Variants in MACROD2 observed in about 807,000 individuals in gnomAD.
MACROD2 encodes mono-ADP ribosylhydrolase 2.
MACROD2 carries 36 observed loss-of-function variants against 70.4 expected under a neutral mutation model. The observed-to-expected ratio is 0.51, with a 90% confidence interval of 0.39 to 0.68. MACROD2 has a LOEUF of 0.68. Ranked by LOEUF, MACROD2 falls within the 30% of genes least tolerant of loss-of-function variation. The pLI is 0.00. For synonymous variants in MACROD2, 172 were observed against 178.8 expected (o/e 0.96, Z 0.30); for missense variants, 496 against 538.4 (o/e 0.92, Z 0.78).
chr20:14,172,303 C>CTTTTT (rs142877520), intron 3 of MACROD2, among the ~76,000 whole-genome samples: 10 of 112,204 alleles, frequency 8.9e-5, no homozygotes, highest in Admixed American at 2.3e-4. Flanking sequence ...CATTCCGTAC[C>CTTTTT]TTTTTTTTTT....
At chr20:15,204,378 C>T (rs1015083670) in intron 5 of MACROD2, among the ~76,000 whole-genome samples, 4 of 152,176 alleles carry the variant, frequency 2.6e-5, no homozygotes, top group Non-Finnish European at 4.4e-5. Context: ...TGCCTGTCGA[C>T]GCTTGTGAAT....
chr20:15,739,343 C>G (rs1338874892), intron 8 of MACROD2, among the ~76,000 whole-genome samples: 1 of 152,130 alleles, frequency 6.6e-6, no homozygotes, highest in African/African-American at 2.4e-5. Context: ...GATAGGGGTT[C>G]AAATCTGGAT....
At chr20:15,021,248 ATGTATACACACACCTGTGTGTG>A (rs1311154534) in intron 5 of MACROD2, among the ~76,000 whole-genome samples, 13 of 53,342 alleles carry the variant, frequency 2.4e-4, no homozygotes, top group African/African-American at 1.2e-3. Context: ...ACCTGTGTGT[ATGTATACACACACCTGTGTGTG>A]TGTATACGCA....
chr20:15,730,034 G>A (rs989004216), intron 8 of MACROD2, among the ~76,000 whole-genome samples: 2 of 151,794 alleles, frequency 1.3e-5, no homozygotes, highest in African/African-American at 2.4e-5. Context: ...CACCATGTTG[G>A]CCAGGCTGGT....
rs1040482930 is a variant in MACROD2 at position 15,568,936 on chromosome 20, G to C, written c.645+69089G>C. Among the ~76,000 whole-genome samples the C allele has an allele frequency of 3.3e-5, 5 of 152,194 alleles. No individual in the cohort carries two copies. The South Asian group carries it at 1.0e-3, about 32-fold the overall frequency. ...ATTTTAGAATCCAAAAGATTAAGGG[G>C]CCTCCTCATCCACAGCTGCTGTTCC... On this transcript the variant is annotated intron_variant, in intron 8 of 17. Transcript: ENST00000684519.
At chr20:15,221,407 A>C (rs1601249757) in intron 5 of MACROD2, among the ~76,000 whole-genome samples, 1 of 152,180 alleles carries the variant, frequency 6.6e-6, no homozygotes, top group East Asian at 1.9e-4. Flanking sequence ...TTCTGCAGAT[A>C]ATTCAGCTTC....
chr20:15,685,477 G>T (rs914954701), intron 8 of MACROD2, among the ~76,000 whole-genome samples: 5 of 152,220 alleles, frequency 3.3e-5, no homozygotes, highest in African/African-American at 1.2e-4. Context: ...AAGGTTCAGA[G>T]GAGAATTGAG....
chr20:14,372,887 A>T (rs554915705), intron 3 of MACROD2, among the ~76,000 whole-genome samples: 7 of 152,166 alleles, frequency 4.6e-5, no homozygotes, highest in South Asian at 2.1e-4. Context: ...GTCTCGCCTT[A>T]TTCTACCATG....
At chr20:14,906,495 A>G (rs964636927) in intron 5 of MACROD2, among the ~76,000 whole-genome samples, 1 of 152,102 alleles carries the variant, frequency 6.6e-6, no homozygotes, top group Non-Finnish European at 1.5e-5. Flanking sequence ...CTCAGTCACC[A>G]AAAGAAAAGA....
chr20:15,273,831 A>ATTGTGG (rs1395563437), intron 6 of MACROD2, among the ~76,000 whole-genome samples: 2 of 152,152 alleles, frequency 1.3e-5, no homozygotes, highest in Admixed American at 6.5e-5. Context: ...TAATAACTAC[A>ATTGTGG]ACTGTGGACA....
At chr20:14,885,514 G>T (rs2073663390) in intron 5 of MACROD2, among the ~76,000 whole-genome samples, 1 of 152,022 alleles carries the variant, frequency 6.6e-6, no homozygotes, top group South Asian at 2.1e-4. Context: ...TAGTCATGAT[G>T]ATTTTATTTT....
intron 6 of MACROD2, among the ~76,000 whole-genome samples, chr20:15,278,639 A>C (rs1012605897): frequency 2.0e-5 from 3 of 152,170 alleles, no homozygotes; most frequent in Non-Finnish European, 1.5e-5. Context: ...ATAATCCCAT[A>C]ATATTGGCAT....
At chr20:15,281,518 C>T (rs1445916858) in intron 6 of MACROD2, among the ~76,000 whole-genome samples, 4 of 152,152 alleles carry the variant, frequency 2.6e-5, no homozygotes, top group Non-Finnish European at 5.9e-5. Context: ...GCTACAGGCT[C>T]CATGCAAGTC....
At chr20:14,357,221 A>C (rs779174562) in intron 3 of MACROD2, among the ~76,000 whole-genome samples, 2 of 152,230 alleles carry the variant, frequency 1.3e-5, no homozygotes, top group African/African-American at 4.8e-5. Flanking sequence ...ATGGCAGTCT[A>C]CTGACCTTTT....
At chr20:14,289,450 G>A (rs994567) in intron 3 of MACROD2, among the ~76,000 whole-genome samples, 99,608 of 152,134 alleles carry the variant, frequency 0.65, 33,465 homozygotes, top group Non-Finnish European at 0.73. Flanking sequence ...GCCCTTCAGT[G>A]TTCCTTTCAC....
At chr20:15,489,588 A>C (rs2047202395) in intron 7 of MACROD2, among the ~76,000 whole-genome samples, 1 of 152,218 alleles carries the variant, frequency 6.6e-6, no homozygotes, top group African/African-American at 2.4e-5. Flanking sequence ...CCTGAGAAAG[A>C]GGGTAGCACA....
intron 5 of MACROD2, among the ~76,000 whole-genome samples, chr20:15,011,621 T>C (rs746355735): frequency 1.3e-5 from 2 of 152,154 alleles, no homozygotes; most frequent in Non-Finnish European, 2.9e-5. Flanking sequence ...GGGACAGATA[T>C]TGTACTCATC....
At chr20:15,924,392 G>A (rs892637875) in intron 10 of MACROD2, among the ~76,000 whole-genome samples, 1 of 152,164 alleles carries the variant, frequency 6.6e-6, no homozygotes, top group Non-Finnish European at 1.5e-5. Context: ...TTCAATCGTT[G>A]ACTTCCCAAA....
intron 8 of MACROD2, among the ~76,000 whole-genome samples, chr20:15,814,142 C>A (rs1039481332): frequency 2.6e-5 from 4 of 152,146 alleles, no homozygotes; most frequent in Admixed American, 2.0e-4. Flanking sequence ...GGTAAAATAA[C>A]ATCACTGCAG....
Sources: allele counts gnomAD v4.1 joint callset (sites outside exome capture counted in the v4.1 genomes callset), GRCh38; gene constraint gnomAD v4.1.1; transcripts MANE v1.5; gene names NCBI Gene and HGNC (gene_info 2026-07-23, HGNC 2026-07-21).